The following ANKRD55 variants were observed in gnomAD, a reference collection of about 807,000 sequenced individuals.
ANKRD55 encodes ankyrin repeat domain-containing protein 55.
ANKRD55 carries 41 observed loss-of-function variants against 60.6 expected under a neutral mutation model. The ratio of observed to expected loss-of-function variants is 0.68; its 90% CI spans 0.53 to 0.88. The LOEUF (loss-of-function observed/expected upper bound fraction) is 0.88. Ranked by LOEUF, ANKRD55 falls within the 40% of genes least tolerant of loss-of-function variation. ANKRD55 has a pLI of 0.00. For missense variants in ANKRD55, 732 were observed against 767.6 expected, an observed-to-expected ratio of 0.95 and a Z score of 0.55; for synonymous variants, 264 against 290.3, an observed-to-expected ratio of 0.91 and a Z score of 0.92.
At position 56,157,914 on chromosome 5, in the gene ANKRD55, C is replaced by T. The variant is rs375033627; in HGVS notation, c.483+1919G>A. ...TGTCTCTTTCTTTTCTCAAGTCTCT[C>T]GTTCCACCTGACGAGAAACGTTCAC... is the stretch of plus-strand genomic sequence containing the variant. On this transcript the variant is annotated intron_variant, in intron 6 of 11. Transcript: ENST00000341048. Among the ~76,000 whole-genome samples, 60 of 152,258 alleles carry T rather than the reference C, an allele frequency of 3.9e-4. 2 individuals are homozygous for T. In the South Asian group the frequency reaches 0.011, roughly 27 times the overall value.
intron 2 of ANKRD55, among the ~76,000 whole-genome samples, chr5:56,213,991 A>G (rs1759742605): frequency 6.6e-6 from 1 of 152,248 alleles, no homozygotes; most frequent in South Asian, 2.1e-4. Context: ...AGGCCTCACA[A>G]TCATGGTGAA....
intron 6 of ANKRD55, among the ~76,000 whole-genome samples, chr5:56,154,896 T>A (rs1758154768): frequency 6.6e-6 from 1 of 152,126 alleles, no homozygotes; most frequent in East Asian, 1.9e-4. Context: ...GCCTCAAAGA[T>A]CTTAACTGGC....
At chr5:56,116,256 C>T (rs1241683366) in intron 9 of ANKRD55, among the ~76,000 whole-genome samples, 1 of 151,844 alleles carries the variant, frequency 6.6e-6, no homozygotes, top group African/African-American at 2.4e-5. Flanking sequence ...GTAAAAGGGT[C>T]CCGAGAACGA....
chr5:56,150,571 T>G (rs1267009321), intron 6 of ANKRD55, among the ~76,000 whole-genome samples: 1 of 152,066 alleles, frequency 6.6e-6, no homozygotes, highest in African/African-American at 2.4e-5. Context: ...ACCACTGCAC[T>G]CTGGCCTCAC....
rs1440196468 is a variant in ANKRD55, at chr5:56,100,144, T to C, written c.*39A>G. On this transcript the variant is annotated 3_prime_UTR_variant, in exon 12 of 12. Transcript: ENST00000341048. ...AATCTTGTCCTTTGAGAGTTGAAAATACATATTCATCTACATTTCTGCAGC... is the reference window on the plus strand; with the variant it reads ...AATCTTGTCCTTTGAGAGTTGAAAACACATATTCATCTACATTTCTGCAGC... The C allele has an allele frequency of 6.2e-7, 1 of 1,613,776 alleles. No individual in the cohort carries two copies. Among genetic ancestry groups the C allele is most frequent in the Admixed American group, 1.7e-5 (1 of 60,012 alleles).
At chr5:56,187,723 C>T (rs529975931) in intron 2 of ANKRD55, among the ~76,000 whole-genome samples, 7 of 152,238 alleles carry the variant, frequency 4.6e-5, no homozygotes, top group Non-Finnish European at 7.3e-5. Flanking sequence ...TCGAGCTGAA[C>T]GCTAGTCACT....
intron 8 of ANKRD55, among the ~76,000 whole-genome samples, chr5:56,120,935 G>A (rs1460782373): frequency 6.6e-6 from 1 of 150,642 alleles, no homozygotes; most frequent in East Asian, 2.0e-4. Context: ...TGTGACAAGA[G>A]CATAAAGGAC....
intron 2 of ANKRD55, among the ~76,000 whole-genome samples, chr5:56,201,015 G>A (rs1406268857): frequency 6.6e-6 from 1 of 152,202 alleles, no homozygotes; most frequent in Non-Finnish European, 1.5e-5. Flanking sequence ...AAAGGCTACA[G>A]AGTTTCTGTC....
chr5:56,100,101 G>A lies in ANKRD55; in HGVS notation c.*82C>T, dbSNP rs947020886. On this transcript the variant is annotated 3_prime_UTR_variant, in exon 12 of 12. Coordinates refer to ENST00000341048, the MANE Select transcript of ANKRD55 (RefSeq NM_024669.3). ...AATGCAGCTTACTAAATTGGTCTTC[G>A]TTCTTACAAACTGGAGTAATCTTGT... 1.6e-5 allele frequency: 25 copies of A among 1,588,424 alleles called. No individual in the cohort carries two copies. In the Admixed American group the frequency reaches 2.2e-4, roughly 14 times the overall value.
At chr5:56,206,915 G>A (rs1019069622) in intron 2 of ANKRD55, among the ~76,000 whole-genome samples, 1 of 152,188 alleles carries the variant, frequency 6.6e-6, no homozygotes, top group Non-Finnish European at 1.5e-5. Context: ...CTGCCGGGGT[G>A]GCAGGGCTGG....
chr5:56,223,162 A>G (rs1247628912), intron 2 of ANKRD55, among the ~76,000 whole-genome samples: 1 of 152,228 alleles, frequency 6.6e-6, no homozygotes. Context: ...CTCTTGGCAG[A>G]AACTCTACAA....
rs376260776 is a variant in ANKRD55 at position 56,143,813 on chromosome 5, G to A, written c.600C>T (p.His200=). The stretch of plus-strand genomic sequence containing the variant: ...GTCAATTTCTCACCTGGACTGCCCA[G>A]TGGAGAGCGGTTTTAAAGTCTTTAT... ...LVDKDFKTAL[H]WAVQSGNRIL... The change falls in exon 7 of 12, where the codon CAC becomes CAT. Residue 200 remains histidine, a synonymous_variant. Transcript: ENST00000341048. 203 of 1,614,090 alleles carry A rather than the reference G, an allele frequency of 1.3e-4. No individual in the cohort carries two copies. Among genetic ancestry groups the A allele is most frequent in the Non-Finnish European group, 1.7e-4 (197 of 1,180,040 alleles).
intron 2 of ANKRD55, among the ~76,000 whole-genome samples, chr5:56,209,720 C>T (rs1759614204): frequency 6.6e-6 from 1 of 152,302 alleles, no homozygotes; most frequent in South Asian, 2.1e-4. Context: ...CCGCCTTGGC[C>T]TCCCAAAGTG....
intron 2 of ANKRD55, 130 bp from the exon 3 acceptor site, chr5:56,183,764 T>C: frequency 1.7e-6 from 2 of 1,194,382 alleles, no homozygotes; most frequent in Non-Finnish European, 2.3e-6. Flanking sequence ...GAAGTCTGGG[T>C]CATCCTGGCT....
rs1245332745 is a variant in ANKRD55, at chr5:56,100,238, C to T, written c.1790G>A (p.Ser597Asn). 1 of 1,614,188 alleles carries T rather than the reference C, an allele frequency of 6.2e-7. No individual in the cohort carries two copies. The highest frequency in any genetic ancestry group is 1.7e-5 in the Admixed American group (1 of 60,022). Residue 597 changes from serine to asparagine, a missense_variant, in exon 12 of 12, where the codon AGC becomes AAC. Physicochemically the swap from Ser to Asn is conservative, Grantham distance 46. Transcript: ENST00000341048. ...LPAIPSQRRH[S>N]TAAEESEHSA... ...ATGTTCACTCTCTTCTGCTGCTGTGCTGTGTCTTCGTTGACTTGGAATTGC... is the reference window on the plus strand; with the variant it reads ...ATGTTCACTCTCTTCTGCTGCTGTGTTGTGTCTTCGTTGACTTGGAATTGC...
At chr5:56,217,882 C>T (rs1025034153) in intron 2 of ANKRD55, among the ~76,000 whole-genome samples, 9 of 145,670 alleles carry the variant, frequency 6.2e-5, no homozygotes, top group African/African-American at 1.5e-4. Context: ...GGTGACAGAG[C>T]GAGACTCCGT....
chr5:56,185,105 C>T (rs566598849), intron 2 of ANKRD55, among the ~76,000 whole-genome samples: 1 of 152,162 alleles, frequency 6.6e-6, no homozygotes, highest in African/African-American at 2.4e-5. Context: ...TGCCTGTAAT[C>T]CCAGCTACTT....
intron 9 of ANKRD55, among the ~76,000 whole-genome samples, chr5:56,114,541 T>C (rs1756831661): frequency 6.6e-6 from 1 of 152,218 alleles, no homozygotes; most frequent in Non-Finnish European, 1.5e-5. Flanking sequence ...CAAATGTGAC[T>C]TTTTGATATT....
In ANKRD55 at chr5:56,141,477, C is replaced by T. The variant is rs1229204471; in HGVS notation, c.612+2324G>A. Among the ~76,000 whole-genome samples, 6 of 152,180 alleles carry T rather than the reference C, an allele frequency of 3.9e-5. No homozygotes were observed. The East Asian group carries it at 5.8e-4, about 15-fold the overall frequency. On this transcript the variant is annotated intron_variant, in intron 7 of 11. Transcript: ENST00000341048. ...GAAAATCTAAGAGGTGAGGCCTGGA[C>T]GTGAGTATTGTTTAAAAGCTCTTCA...
Sources: allele counts gnomAD v4.1 joint callset (sites outside exome capture counted in the v4.1 genomes callset), GRCh38; gene constraint gnomAD v4.1.1; transcripts MANE v1.5; gene names NCBI Gene and HGNC (gene_info 2026-07-23, HGNC 2026-07-21).